WNK2: variants seen among roughly 807,000 people sequenced by gnomAD.
WNK2 encodes the protein serine/threonine-protein kinase WNK2.
A neutral mutation model predicts 192.1 loss-of-function variants in WNK2; 67 were observed. The observed-to-expected ratio is 0.35, with a 90% CI of 0.29 to 0.43. The LOEUF is 0.43. Among genes scored for constraint, WNK2 ranks in the 20% least tolerant of loss-of-function variants. The probability of loss-of-function intolerance (pLI) is 1.00; values close to 1 mark genes in which losing one functional copy is unlikely to be tolerated. For missense variants in WNK2, 2,698 were observed against 3,089.7 expected (o/e 0.87, Z 3.01); for synonymous variants, 1,439 against 1,393.9 (o/e 1.03, Z -0.72).
At chr9:93,260,052 C>T (rs1013959842) in intron 12 of WNK2, among the ~76,000 whole-genome samples, 9 of 152,026 alleles carry the variant, frequency 5.9e-5, no homozygotes, top group East Asian at 1.9e-4. Flanking sequence ...GAAGTGAGGC[C>T]GATAGCGGGG....
chr9:93,202,278 TG>T (rs1004258466), intron 2 of WNK2, among the ~76,000 whole-genome samples: 3 of 151,970 alleles, frequency 2.0e-5, no homozygotes, highest in African/African-American at 7.3e-5. Context: ...CTGCTGCGTG[TG>T]GGGACCTGGT....
chr9:93,309,624 TTCTC>T (rs1853283701), intron 28 of WNK2, among the ~76,000 whole-genome samples: 1 of 152,228 alleles, frequency 6.6e-6, no homozygotes, highest in African/African-American at 2.4e-5. Context: ...CCTTCGCTCT[TTCTC>T]TCTCTTTATG....
intron 27 of WNK2, chr9:93,308,013 C>T (rs1266531438): frequency 1.5e-5 from 6 of 396,536 alleles, no homozygotes; most frequent in Middle Eastern, 6.8e-4. Flanking sequence ...CTCTCTCACA[C>T]GTGAGTCTGG....
At chr9:93,201,349 TG>T (rs1373612188) in intron 2 of WNK2, among the ~76,000 whole-genome samples, 1 of 152,220 alleles carries the variant, frequency 6.6e-6, no homozygotes, top group African/African-American at 2.4e-5. Flanking sequence ...TGGGTCCAGG[TG>T]GGCTGCTGAC....
At chr9:93,189,832 G>A (rs1479944079) in intron 2 of WNK2, among the ~76,000 whole-genome samples, 1 of 152,218 alleles carries the variant, frequency 6.6e-6, no homozygotes, top group Non-Finnish European at 1.5e-5. Context: ...GCTTTGCCCC[G>A]ATGGCCTCTC....
chr9:93,290,027 G>T lies in WNK2; in HGVS notation c.4916G>T (p.Gly1639Val). ...APTRGAVMEQ[G>V]TSSSMTAESS... is the part of the protein sequence containing the mutation. ...ACTCGAGGGGCCGTGATGGAGCAGG[G>T]CACGTCCTCGTCAATGACAGGTAAC... is the stretch of plus-strand genomic sequence containing the variant. Residue 1639 changes from glycine to valine, a missense_variant, in exon 21 of 30, where the codon GGC becomes GTC. Coordinates refer to ENST00000427277, the MANE Select transcript of WNK2 (RefSeq NM_006648.4). 1 of 1,575,856 alleles carries T rather than the reference G, an allele frequency of 6.3e-7. No individual in the cohort carries two copies. The highest frequency in any genetic ancestry group is 1.2e-5 in the South Asian group (1 of 85,862).
chr9:93,254,196 C>T (rs1048509849), intron 9 of WNK2, among the ~76,000 whole-genome samples: 5 of 152,166 alleles, frequency 3.3e-5, no homozygotes, highest in South Asian at 2.1e-4. Context: ...AGATTACAAG[C>T]GTGAGTCACT....
At chr9:93,292,127 C>T (rs894619044) in intron 21 of WNK2, among the ~76,000 whole-genome samples, 181 bp from the exon 22 acceptor site, 15 of 152,124 alleles carry the variant, frequency 9.9e-5, no homozygotes, top group African/African-American at 3.4e-4. Flanking sequence ...GTTTCCAAAA[C>T]TGCTGTTTCC....
chr9:93,213,130 G>T (rs1345696032), intron 2 of WNK2, among the ~76,000 whole-genome samples: 1 of 152,132 alleles, frequency 6.6e-6, no homozygotes, highest in Non-Finnish European at 1.5e-5. Flanking sequence ...CTTGGGAAGG[G>T]ATATAAGAGC....
At chr9:93,237,922 C>T (rs1209679494) in intron 5 of WNK2, among the ~76,000 whole-genome samples, 1 of 151,864 alleles carries the variant, frequency 6.6e-6, no homozygotes, top group Non-Finnish European at 1.5e-5. Context: ...CCTCAGCCTT[C>T]CTGAACTCAG....
chr9:93,200,132 G>A (rs1030525169), intron 2 of WNK2, among the ~76,000 whole-genome samples: 17 of 152,276 alleles, frequency 1.1e-4, no homozygotes, highest in African/African-American at 4.1e-4. Flanking sequence ...GGTTGCAGGA[G>A]TTAAGGTGCT....
chr9:93,237,539 T>G (rs1173516715), intron 5 of WNK2, among the ~76,000 whole-genome samples: 3 of 152,266 alleles, frequency 2.0e-5, no homozygotes, highest in Non-Finnish European at 4.4e-5. Flanking sequence ...TTTCCTTTAC[T>G]GCTTGTATGT....
At chr9:93,285,730 A>G (rs981609556) in intron 19 of WNK2, among the ~76,000 whole-genome samples, 1 of 152,242 alleles carries the variant, frequency 6.6e-6, no homozygotes, top group Non-Finnish European at 1.5e-5. Flanking sequence ...TGCAAAAACC[A>G]GTAAAAACCA....
At chr9:93,225,605 C>T (rs896181235) in intron 2 of WNK2, among the ~76,000 whole-genome samples, 3 of 152,188 alleles carry the variant, frequency 2.0e-5, no homozygotes, top group African/African-American at 7.2e-5. Flanking sequence ...GTACGCCCCC[C>T]TACTTCCCGT....
intron 2 of WNK2, among the ~76,000 whole-genome samples, chr9:93,218,867 C>T (rs976205392): frequency 6.6e-6 from 1 of 152,228 alleles, no homozygotes; most frequent in Non-Finnish European, 1.5e-5. Flanking sequence ...CCTGGCTCTC[C>T]CTCTTCCCCC....
chr9:93,201,744 CT>C (rs1832397792), intron 2 of WNK2, among the ~76,000 whole-genome samples: 2 of 152,218 alleles, frequency 1.3e-5, no homozygotes, highest in African/African-American at 4.8e-5. Context: ...CATATCTGGC[CT>C]GTCTGAAATG....
At position 93,185,502 on chromosome 9, in the gene WNK2, C is replaced by T. The variant is rs1385275190; in HGVS notation, c.573C>T (p.Asp191=). 1.9e-6 allele frequency: 3 copies of T among 1,612,796 alleles called. No individual in the cohort carries two copies. The highest frequency in any genetic ancestry group is 1.1e-5 in the South Asian group (1 of 91,072). ...DDLKAVATSL[D]GRFLKFDIEL... is the part of the protein sequence containing the mutation. ...TCAAGGCCGTGGCCACCTCTCTGGA[C>T]GGCCGCTTCCTCAAGTTCGACATCG... Residue 191 remains aspartate (D), a synonymous_variant, in exon 2 of 30, where the codon GAC becomes GAT. Transcript: ENST00000427277.
chr9:93,221,101 G>A (rs1484166062), intron 2 of WNK2, among the ~76,000 whole-genome samples: 2 of 152,226 alleles, frequency 1.3e-5, no homozygotes, highest in Non-Finnish European at 2.9e-5. Flanking sequence ...GGAGCCCTGC[G>A]GTGGGGAGGG....
At position 93,259,454 on chromosome 9, in the gene WNK2, C is replaced by T. The variant is rs576465472; in HGVS notation, c.2906C>T (p.Pro969Leu). The T allele has an allele frequency of 7.3e-7, 1 of 1,374,754 alleles. No individual in the cohort carries two copies. Among genetic ancestry groups the T allele is most frequent in the Non-Finnish European group, 9.5e-7 (1 of 1,051,300 alleles). 85.2% of individuals were successfully genotyped at this position (1,374,754 alleles called of 1,614,324 possible). ...ACGCTGCCCCCTCAACCTGTGTTGC[C>T]CCCGCAACCCACACGGCCCCCTCAA... ...QPTLPPQPVL[P>L]PQPTRPPQPV... is the part of the protein sequence containing the mutation. The change falls in exon 12 of 30, where the codon CCC (proline) becomes CTC (leucine). Residue 969 changes from proline (P) to leucine (L), a missense_variant. Transcript: ENST00000427277. This position sits in a 1 kb window ranked among gnomAD's most constrained non-coding sequence, Gnocchi z 4.8.
Sources: allele counts gnomAD v4.1 joint callset (sites outside exome capture counted in the v4.1 genomes callset), GRCh38; gene constraint gnomAD v4.1.1; non-coding constraint Gnocchi (gnomAD v3.1); transcripts MANE v1.5; gene names NCBI Gene and HGNC (gene_info 2026-07-23, HGNC 2026-07-21).